FERMT2: variants seen among roughly 807,000 people sequenced by gnomAD.
The protein encoded by FERMT2 is FERM domain containing kindlin 2.
Under a neutral mutation model 82.7 loss-of-function variants are expected in FERMT2, and 15 were observed. The ratio of observed to expected loss-of-function variants is 0.18; its 90% CI spans 0.12 to 0.28. The LOEUF is 0.28. FERMT2 is among the 10% of genes least tolerant of loss of function. FERMT2 has a pLI of 1.00. For missense variants in FERMT2, 645 were observed against 809.4 expected (o/e 0.80, Z 2.46); for synonymous variants, 274 against 271.5 (o/e 1.01, Z -0.09).
At position 52,872,904 on chromosome 14, in the gene FERMT2, T is replaced by C. The variant is rs1348308774; in HGVS notation, c.1168A>G (p.Lys390Glu). The change falls in exon 10 of 15, where the codon AAA becomes GAA. Residue 390 changes from lysine (K) to glutamate (E), a missense_variant. By Grantham distance (56) the Lys-to-Glu change is moderately conservative. Transcript: ENST00000341590. Reference protein sequence around the residue: ...KVFKPKKLTLKGYKQYWCTFK... With the variant: ...KVFKPKKLTLEGYKQYWCTFK... Reference sequence around the variant, plus strand: ...GTGCACCAATATTGTTTGTAACCTTTCAGAGTCAGCTTTTTTGGCCTATGT... The same window carrying C: ...GTGCACCAATATTGTTTGTAACCTTCCAGAGTCAGCTTTTTTGGCCTATGT... The C allele has an allele frequency of 6.2e-7, 1 of 1,613,784 alleles. No individual in the cohort carries two copies. The highest frequency in any genetic ancestry group is 1.3e-5 in the African/African-American group (1 of 74,904).
intron 10 of FERMT2, among the ~76,000 whole-genome samples, chr14:52,866,908 C>T (rs1483184414): frequency 6.6e-6 from 1 of 152,190 alleles, no homozygotes; most frequent in Non-Finnish European, 1.5e-5. Flanking sequence ...CATTACCATC[C>T]GAGCAACCCT....
intron 7 of FERMT2, among the ~76,000 whole-genome samples, chr14:52,877,574 C>T (rs74319336): frequency 8.1e-4 from 54 of 67,054 alleles, no homozygotes; most frequent in African/African-American, 9.1e-4. Flanking sequence ...GCTGTTCTTG[C>T]TTTTTTTTTT....
At position 52,872,835 on chromosome 14, in the gene FERMT2, A is replaced by G. The variant is rs1455834465; in HGVS notation, c.1237T>C (p.Ser413Pro). The G allele has an allele frequency of 6.2e-7, 1 of 1,613,792 alleles. No individual in the cohort carries two copies. The highest frequency in any genetic ancestry group is 1.3e-5 in the African/African-American group (1 of 74,894). Reference sequence around the variant, plus strand: ...ATCTGATGAGCTGGTGTGCCACTGGATTCTTCTTTGCTCTTATAACAAGAA... The same window carrying G: ...ATCTGATGAGCTGGTGTGCCACTGGGTTCTTCTTTGCTCTTATAACAAGAA... ...SISCYKSKEE[S>P]SGTPAHQMNL... The change falls in exon 10 of 15, where the codon TCC (serine) becomes CCC (proline). Residue 413 changes from serine to proline, a missense_variant. Coordinates refer to ENST00000341590, the MANE Select transcript of FERMT2 (RefSeq NM_006832.3).
chr14:52,906,092 T>C (rs919580857), intron 3 of FERMT2, among the ~76,000 whole-genome samples: 5 of 152,096 alleles, frequency 3.3e-5, no homozygotes, highest in African/African-American at 1.2e-4. Flanking sequence ...TTACTGCCTA[T>C]GGGCAGGGGA....
chr14:52,916,154 G>A (rs1888601176), intron 3 of FERMT2, among the ~76,000 whole-genome samples: 1 of 152,018 alleles, frequency 6.6e-6, no homozygotes, highest in African/African-American at 2.4e-5. Context: ...GACCAGCCTG[G>A]CCAACATGAT....
intron 2 of FERMT2, among the ~76,000 whole-genome samples, chr14:52,945,193 A>C (rs1385072727): frequency 2.6e-5 from 4 of 151,738 alleles, no homozygotes; most frequent in Admixed American, 6.6e-5. Flanking sequence ...TTACAGGCGT[A>C]AGTTACCGCA....
intron 2 of FERMT2, among the ~76,000 whole-genome samples, chr14:52,947,562 T>C (rs1241130981): frequency 6.6e-6 from 1 of 152,232 alleles, no homozygotes; most frequent in African/African-American, 2.4e-5. Flanking sequence ...AAAATTGTGT[T>C]TTAATGGCCT....
chr14:52,877,085 G>T (rs1181138822), intron 7 of FERMT2, among the ~76,000 whole-genome samples: 1 of 152,074 alleles, frequency 6.6e-6, no homozygotes, highest in Non-Finnish European at 1.5e-5. Flanking sequence ...ATTCCTGTGA[G>T]AACACAACTG....
At chr14:52,869,897 C>G (rs1885510368) in intron 10 of FERMT2, among the ~76,000 whole-genome samples, 1 of 152,028 alleles carries the variant, frequency 6.6e-6, no homozygotes, top group Non-Finnish European at 1.5e-5. Context: ...TGATCCCAAT[C>G]TCGTGGAGGC....
chr14:52,924,927 T>C (rs1344990927), intron 2 of FERMT2, among the ~76,000 whole-genome samples: 1 of 152,210 alleles, frequency 6.6e-6, no homozygotes, highest in Non-Finnish European at 1.5e-5. Context: ...ATTCACTAAT[T>C]TGCCCTTCAG....
intron 4 of FERMT2, among the ~76,000 whole-genome samples, chr14:52,889,556 G>A (rs1428372702): frequency 2.0e-5 from 3 of 152,176 alleles, no homozygotes; most frequent in Admixed American, 1.3e-4. Context: ...TGACAAAGGT[G>A]CAAGTTAGTA....
intron 7 of FERMT2, among the ~76,000 whole-genome samples, chr14:52,875,764 A>C (rs1885916314): frequency 6.6e-6 from 1 of 152,168 alleles, no homozygotes; most frequent in Non-Finnish European, 1.5e-5. Context: ...GTAGAAACTG[A>C]TGAACACTGA....
chr14:52,915,195 C>A (rs1174029709), intron 3 of FERMT2, among the ~76,000 whole-genome samples: 1 of 152,120 alleles, frequency 6.6e-6, no homozygotes, highest in African/African-American at 2.4e-5. Flanking sequence ...AGATTTTATT[C>A]ATGAATGGTA....
chr14:52,915,542 TA>T (rs138216336), intron 3 of FERMT2, among the ~76,000 whole-genome samples: 13,156 of 152,220 alleles, frequency 0.086, 677 homozygotes, highest in Middle Eastern at 0.15. Context: ...GACAATTCAA[TA>T]AACAGTGTTG....
intron 2 of FERMT2, among the ~76,000 whole-genome samples, chr14:52,942,663 T>C (rs1890148077): frequency 6.6e-6 from 1 of 152,116 alleles, no homozygotes; most frequent in Admixed American, 6.5e-5. Flanking sequence ...TTGGATTCAT[T>C]GTCCAAAGGT....
chr14:52,881,386 T>C lies in FERMT2; in HGVS notation c.610A>G (p.Thr204Ala). 2 of 1,613,884 alleles carry C rather than the reference T, an allele frequency of 1.2e-6. No homozygotes were observed. The highest frequency in any genetic ancestry group is 1.3e-5 in the African/African-American group (1 of 74,966). Residue 204 changes from threonine to alanine, a missense_variant, in exon 5 of 15, where the codon ACT (threonine) becomes GCT (alanine). Thr to Ala is a moderately conservative substitution (Grantham distance 58, BLOSUM62 0). Coordinates refer to ENST00000341590, the MANE Select transcript of FERMT2 (RefSeq NM_006832.3). The part of the protein sequence containing the change: ...DAHDGSPLSP[T>A]SAWFGDSALS... ...GCACTGTCACCAAACCAAGCAGAAG[T>C]TGGTGACAAGGGGCTTCCATCATGA... is the stretch of plus-strand genomic sequence containing the variant.
chr14:52,882,286 AG>A (rs1886344547), intron 4 of FERMT2, among the ~76,000 whole-genome samples: 1 of 152,200 alleles, frequency 6.6e-6, no homozygotes. Flanking sequence ...GGGAGATAAA[AG>A]TCTGCCCTAG....
chr14:52,865,459 A>G (rs952066303), intron 10 of FERMT2, among the ~76,000 whole-genome samples: 4 of 152,210 alleles, frequency 2.6e-5, no homozygotes, highest in African/African-American at 9.6e-5. Flanking sequence ...CTGCAGTCAG[A>G]GAGACTTGGG....
At chr14:52,940,689 T>C (rs1488442280) in intron 2 of FERMT2, among the ~76,000 whole-genome samples, 1 of 152,216 alleles carries the variant, frequency 6.6e-6, no homozygotes, top group Non-Finnish European at 1.5e-5. Context: ...TTCTGTGTTA[T>C]CTATACTGAG....
Sources: gnomAD v4.1 joint callset for allele counts (sites outside exome capture counted in the v4.1 genomes callset) on GRCh38, gnomAD v4.1.1 for gene constraint, MANE v1.5 for transcripts, NCBI Gene and HGNC (gene_info 2026-07-23, HGNC 2026-07-21) for gene names.